Variants in FADS2 observed in about 807,000 individuals in gnomAD.
The protein encoded by FADS2 is acyl-CoA 6-desaturase.
FADS2 carries 18 observed loss-of-function variants against 61.2 expected under a neutral mutation model. The ratio of observed to expected loss-of-function variants is 0.29; its 90% CI spans 0.20 to 0.44. The LOEUF is 0.44. FADS2 is among the 20% of genes least tolerant of loss of function. The pLI is 1.00. For missense variants in FADS2, 322 were observed against 572.7 expected (o/e 0.56, Z 4.47); for synonymous variants, 203 against 223.9 (o/e 0.91, Z 0.83).
At chr11:61,827,080 C>T (rs1051127124), upstream of FADS2, among the ~76,000 whole-genome samples, 8 of 152,220 alleles carry the variant, frequency 5.3e-5, no homozygotes, top group African/African-American at 1.9e-4. This position sits in a 1 kb window ranked among gnomAD's most constrained non-coding sequence, Gnocchi z 4.5. Context: ...CTCTGTTCAT[C>T]CTTACTTCCC....
chr11:61,867,180 G>A lies in FADS2; in HGVS notation c.*1491G>A, dbSNP rs1565339336. 6.6e-6 allele frequency: 1 copy of A among 152,230 alleles called. No individual in the cohort carries two copies. Among genetic ancestry groups the A allele is most frequent in the Non-Finnish European group, 1.5e-5 (1 of 68,074 alleles). 9.4% of individuals were successfully genotyped at this position (152,230 alleles called of 1,614,324 possible). On this transcript the variant is annotated 3_prime_UTR_variant, in exon 12 of 12. Coordinates refer to ENST00000278840, the MANE Select transcript of FADS2 (RefSeq NM_004265.4). ...AGTCCCCCCAGCTCTAAGCAGCCAG[G>A]AGGGACCTGCATCTAAGCATCTGGG...
At chr11:61,848,436 G>T (rs1394523512) in intron 5 of FADS2, 152 bp downstream of exon 5, 1 of 1,384,304 alleles carries the variant, frequency 7.2e-7, no homozygotes, top group African/African-American at 1.4e-5. Flanking sequence ...GGTTGGTGTT[G>T]ACCTAGGAAG....
chr11:61,865,252 C>T lies in FADS2; in HGVS notation c.1258C>T (p.Leu420=), dbSNP rs2067457781. 1.2e-6 allele frequency: 2 copies of T among 1,613,500 alleles called. No individual in the cohort carries two copies. Among genetic ancestry groups the T allele is most frequent in the African/African-American group, 1.3e-5 (1 of 74,934 alleles). ...CATTGAATACCAGGAGAAGCCGCTA[C>T]TGAGGGCCCTGCTGGACATCATCAG... The part of the protein sequence containing the change: ...HGIEYQEKPL[L]RALLDIIRSL... The change falls in exon 11 of 12, where the codon CTG becomes TTG. Residue 420 remains leucine, a synonymous_variant. Transcript: ENST00000278840. This position sits in a 1 kb window ranked among gnomAD's most constrained non-coding sequence, Gnocchi z 4.1.
chr11:61,831,087 C>T (rs563493719), intron 1 of FADS2, among the ~76,000 whole-genome samples: 16 of 151,834 alleles, frequency 1.1e-4, no homozygotes, highest in African/African-American at 3.9e-4. Flanking sequence ...GCTGGGTTCT[C>T]TTTGTTTTGT....
intron 1 of FADS2, chr11:61,821,516 A>T: frequency 1.5e-6 from 1 of 687,038 alleles, no homozygotes; most frequent in South Asian, 1.5e-5. Flanking sequence ...TAAACATAAT[A>T]GTTGGCCAAT....
intron 8 of FADS2, 35 bp from the exon 9 acceptor site, chr11:61,863,247 C>T (rs756633570): frequency 1.3e-5 from 21 of 1,569,342 alleles, no homozygotes; most frequent in South Asian, 7.8e-5. Context: ...GCTGGGCCCC[C>T]GGAGGCCCCT....
chr11:61,819,471 G>A (rs1234468341), intron 1 of FADS2, among the ~76,000 whole-genome samples: 2 of 152,070 alleles, frequency 1.3e-5, no homozygotes, highest in Non-Finnish European at 1.5e-5. Context: ...GCTTGAATCC[G>A]GGAGGCAGAG....
Position 61,865,580 on chromosome 11 carries a change from A to G in FADS2, c.1284-58A>G. 6.6e-7 allele frequency: 1 copy of G among 1,512,710 alleles called. No homozygotes were observed. Among genetic ancestry groups the G allele is most frequent in the South Asian group, 1.1e-5 (1 of 87,076 alleles). 93.7% of individuals were successfully genotyped at this position (1,512,710 alleles called of 1,614,324 possible). On this transcript the variant is annotated intron_variant, in intron 11 of 11. Coordinates refer to ENST00000278840, the MANE Select transcript of FADS2 (RefSeq NM_004265.4). The surrounding 1 kb of genome is among the most constrained non-coding windows in gnomAD (Gnocchi z 4.1). ...TAATGATGGCCTCCTCAGCCCTTGCACTCCCTGGGGCCACTCCCGTCCTGG... is the reference window on the plus strand; with the variant it reads ...TAATGATGGCCTCCTCAGCCCTTGCGCTCCCTGGGGCCACTCCCGTCCTGG...
chr11:61,856,731 G>A, intron 5 of FADS2: 1 of 472,264 alleles, frequency 2.1e-6, no homozygotes, highest in Non-Finnish European at 3.8e-6. Flanking sequence ...TTAACGCTGA[G>A]CCTCAGCCTC....
At chr11:61,847,289 T>G (rs948744475) in intron 4 of FADS2, 1 of 152,212 alleles carries the variant, frequency 6.6e-6, no homozygotes, top group Non-Finnish European at 1.5e-5. Context: ...CACAGATTTA[T>G]GCAACCATCA....
intron 7 of FADS2, among the ~76,000 whole-genome samples, chr11:61,857,835 G>A (rs138342966): frequency 1.1e-4 from 16 of 152,272 alleles, no homozygotes; most frequent in South Asian, 4.1e-4. Context: ...TCCCTTCCCC[G>A]CTCCCTGTGG....
Position 61,828,332 on chromosome 11 carries a change from C to T in FADS2, c.-59C>T, listed in dbSNP as rs2067100316. 3 of 1,535,776 alleles carry T rather than the reference C, an allele frequency of 2.0e-6. No homozygotes were observed. The highest frequency in any genetic ancestry group is 8.8e-7 in the Non-Finnish European group (1 of 1,141,138). On this transcript the variant is annotated 5_prime_UTR_variant, in exon 1 of 12. Coordinates refer to ENST00000278840, the MANE Select transcript of FADS2 (RefSeq NM_004265.4). This position sits in a 1 kb window ranked among gnomAD's most constrained non-coding sequence, Gnocchi z 6.4. ...ACCGGCTGGGAGGCAGCCGTCTGTG[C>T]AGCGAGCAGCCGGCGCGGGGAGGCC...
intron 7 of FADS2, among the ~76,000 whole-genome samples, chr11:61,860,999 A>G (rs2067408938): frequency 6.6e-6 from 1 of 151,992 alleles, no homozygotes; most frequent in Admixed American, 6.6e-5. Flanking sequence ...GAGCACAGGC[A>G]TTCGAGACCA....
At chr11:61,845,247 A>T (rs1478267657) in intron 4 of FADS2, among the ~76,000 whole-genome samples, 2 of 151,760 alleles carry the variant, frequency 1.3e-5, no homozygotes, top group Non-Finnish European at 2.9e-5. Flanking sequence ...GTGGACACTT[A>T]GCTTTCCTGG....
At position 61,857,485 on chromosome 11, in the gene FADS2, C is replaced by G; in HGVS notation, c.837C>G (p.Phe279Leu). The change falls in exon 7 of 12, where the codon TTC (phenylalanine) becomes TTG (leucine). Residue 279 changes from phenylalanine to leucine, a missense_variant. Phe to Leu is a conservative substitution (Grantham distance 22). This residue lies in a region of FADS2 where 221 missense variants were observed against 427.9 expected (regional missense o/e 0.52). Transcript: ENST00000278840. ...IGPPLLIPMY[F>L]QYQIIMTMIV... is the part of the protein sequence containing the mutation. Reference sequence around the variant, plus strand: ...CGCCGCTGCTCATCCCCATGTATTTCCAGTACCAGATCATCATGACCATGA... The same window carrying G: ...CGCCGCTGCTCATCCCCATGTATTTGCAGTACCAGATCATCATGACCATGA... 1 of 1,614,078 alleles carries G rather than the reference C, an allele frequency of 6.2e-7. No homozygotes were observed. Among genetic ancestry groups the G allele is most frequent in the Middle Eastern group, 1.6e-4 (1 of 6,062 alleles).
In FADS2 at chr11:61,816,456, C is replaced by G. The variant is rs59824480; in HGVS notation, c.141+30C>G. On this transcript the variant is annotated intron_variant, in intron 1 of 11. Coordinates refer to the FADS2 transcript ENST00000257261. The surrounding 1 kb of genome is among the most constrained non-coding windows in gnomAD (Gnocchi z 7.0). ...GATCAGGCGCCTCCGGGCTTTCCTCCGAATTAGTCGGTGTTTGGCTCGGAG... is the reference window on the plus strand; with the variant it reads ...GATCAGGCGCCTCCGGGCTTTCCTCGGAATTAGTCGGTGTTTGGCTCGGAG... The G allele has an allele frequency of 1.9e-6, 3 of 1,600,278 alleles. No individual in the cohort carries two copies. The highest frequency in any genetic ancestry group is 1.7e-6 in the Non-Finnish European group (2 of 1,179,726).
chr11:61,823,680 C>T (rs1342481883), upstream of FADS2, among the ~76,000 whole-genome samples: 2 of 152,178 alleles, frequency 1.3e-5, no homozygotes, highest in Non-Finnish European at 2.9e-5. Context: ...CCACATCCAA[C>T]TAATTTTTTA....
intron 7 of FADS2, chr11:61,862,245 C>G (rs577434550): frequency 1.9e-4 from 29 of 152,434 alleles, no homozygotes; most frequent in African/African-American, 6.7e-4. Flanking sequence ...GAAGGCCACT[C>G]TGGTTGCCAT....
Position 61,840,611 on chromosome 11 carries a change from C to T in FADS2, c.517-13C>T. 1 of 1,613,850 alleles carries T rather than the reference C, an allele frequency of 6.2e-7. No individual in the cohort carries two copies. The highest frequency in any genetic ancestry group is 8.5e-7 in the Non-Finnish European group (1 of 1,179,770). ...CTGAGGCTGTGACAGCACGTGTGAC[C>T]CTCTCTCCCCAGGCCCAAGCTGGAT... is the stretch of plus-strand genomic sequence containing the variant. On this transcript the variant is annotated splice_polypyrimidine_tract_variant and intron_variant, in intron 3 of 11. Coordinates refer to ENST00000278840, the MANE Select transcript of FADS2 (RefSeq NM_004265.4).
Sources: allele counts gnomAD v4.1 joint callset (sites outside exome capture counted in the v4.1 genomes callset), GRCh38; gene constraint gnomAD v4.1.1; regional missense constraint gnomAD v4.1.1; non-coding constraint Gnocchi (gnomAD v3.1); transcripts MANE v1.5; gene names NCBI Gene and HGNC (gene_info 2026-07-23, HGNC 2026-07-21).